XKR9: variants seen among roughly 807,000 people sequenced by gnomAD.
XKR9 encodes the protein XK related 9, also known as XK-related protein 9.
Under a neutral mutation model 32.0 loss-of-function variants are expected in XKR9, and 32 were observed. That is an observed-to-expected ratio of 1.00 (90% CI 0.76 to 1.34). The LOEUF (loss-of-function observed/expected upper bound fraction) is 1.34. Among genes scored for constraint, XKR9 ranks in the 40% most tolerant of loss-of-function variants. The probability of loss-of-function intolerance (pLI) is 0.00; values close to 1 mark genes in which losing one functional copy is unlikely to be tolerated. For missense variants in XKR9, 546 were observed against 429.7 expected, an observed-to-expected ratio of 1.27 and a Z score of -2.39; for synonymous variants, 168 against 143.4, an observed-to-expected ratio of 1.17 and a Z score of -1.22.
the XKR9 span, among the ~76,000 whole-genome samples, chr8:70,986,215 C>T: frequency 6.6e-6 from 1 of 152,184 alleles, no homozygotes; most frequent in Non-Finnish European, 1.5e-5. Flanking sequence ...CTCATTTAAA[C>T]TTCGGCAAGC....
chr8:70,739,644 C>T (rs1203694859), downstream of XKR9, among the ~76,000 whole-genome samples: 1 of 151,996 alleles, frequency 6.6e-6, no homozygotes, highest in Non-Finnish European at 1.5e-5. Context: ...CCTTCAGGAG[C>T]TCTTTTAGGG....
chr8:70,980,704 A>G, the XKR9 span, among the ~76,000 whole-genome samples: 50 of 152,234 alleles, frequency 3.3e-4, no homozygotes, highest in Admixed American at 1.6e-3. Flanking sequence ...TTTCTTTTCC[A>G]TTATGTTCTT....
At chr8:70,905,628 C>T in the XKR9 span, among the ~76,000 whole-genome samples, 6 of 152,282 alleles carry the variant, frequency 3.9e-5, no homozygotes, top group East Asian at 1.9e-4. Context: ...TCTCTCAACT[C>T]GTCAAAGTCA....
At chr8:71,036,993 C>T in the XKR9 span, among the ~76,000 whole-genome samples, 4 of 151,646 alleles carry the variant, frequency 2.6e-5, no homozygotes, top group Non-Finnish European at 5.9e-5. Context: ...GGATTCTAGG[C>T]ATGAGCCACC....
chr8:70,976,090 T>C, the XKR9 span, among the ~76,000 whole-genome samples: 1 of 152,236 alleles, frequency 6.6e-6, no homozygotes, highest in Non-Finnish European at 1.5e-5. Flanking sequence ...GCACATTGAT[T>C]TTGTATCCTG....
intron 4 of XKR9, among the ~76,000 whole-genome samples, chr8:70,722,110 G>A (rs954046718): frequency 4.6e-5 from 7 of 151,950 alleles, no homozygotes; most frequent in South Asian, 2.1e-4. Context: ...TCAGAGACTA[G>A]CATTGCAACC....
the XKR9 span, among the ~76,000 whole-genome samples, chr8:71,062,459 G>T: frequency 6.6e-6 from 1 of 152,070 alleles, no homozygotes; most frequent in Non-Finnish European, 1.5e-5. Context: ...CCACCCTCAT[G>T]ACATAATCAC....
At chr8:70,982,752 A>G in the XKR9 span, among the ~76,000 whole-genome samples, 5 of 152,084 alleles carry the variant, frequency 3.3e-5, no homozygotes, top group African/African-American at 1.2e-4. Flanking sequence ...TTAGAGCAAA[A>G]TTTCAGGATG....
the XKR9 span, among the ~76,000 whole-genome samples, chr8:70,818,554 A>G: frequency 6.6e-6 from 1 of 152,174 alleles, no homozygotes; most frequent in African/African-American, 2.4e-5. Context: ...TAAATGAATG[A>G]GTAAATGAAT....
At chr8:70,980,008 G>A in the XKR9 span, among the ~76,000 whole-genome samples, 158 of 152,354 alleles carry the variant, frequency 1.0e-3, no homozygotes, top group African/African-American at 3.7e-3. Flanking sequence ...CTCGCAGTTC[G>A]ATCTGAGACT....
intron 4 of XKR9, among the ~76,000 whole-genome samples, chr8:70,717,173 G>A (rs1480539753): frequency 2.0e-5 from 3 of 152,184 alleles, no homozygotes; most frequent in South Asian, 4.1e-4. Flanking sequence ...TTGAGTGTCT[G>A]TGGTTTTCCC....
the XKR9 span, among the ~76,000 whole-genome samples, chr8:71,061,182 C>G: frequency 6.6e-6 from 1 of 152,146 alleles, no homozygotes; most frequent in South Asian, 2.1e-4. Context: ...AGTTGCAGAG[C>G]TGTGGATTCA....
At chr8:70,916,726 G>A in the XKR9 span, among the ~76,000 whole-genome samples, 1 of 152,014 alleles carries the variant, frequency 6.6e-6, no homozygotes, top group East Asian at 1.9e-4. Context: ...TAATCTATAG[G>A]TAAATTTGTA....
At chr8:70,813,005 A>G in the XKR9 span, among the ~76,000 whole-genome samples, 1 of 152,174 alleles carries the variant, frequency 6.6e-6, no homozygotes, top group East Asian at 1.9e-4. Context: ...AGCCAAAAGA[A>G]CAAAGCTGGA....
chr8:71,006,169 A>G, the XKR9 span, among the ~76,000 whole-genome samples: 1 of 152,258 alleles, frequency 6.6e-6, no homozygotes, highest in Non-Finnish European at 1.5e-5. Context: ...AATGCAAACC[A>G]GAGAGAGTGG....
At chr8:70,715,315 T>C in intron 4 of XKR9, among the ~76,000 whole-genome samples, 1 of 152,084 alleles carries the variant, frequency 6.6e-6, no homozygotes, top group South Asian at 2.1e-4. Flanking sequence ...GGGGAATATG[T>C]GAGAGAAAGT....
the XKR9 span, among the ~76,000 whole-genome samples, chr8:70,851,464 C>T: frequency 1.2e-3 from 181 of 152,134 alleles, no homozygotes; most frequent in African/African-American, 4.2e-3. Context: ...AAAAAGACCC[C>T]GTATAGCCAA....
At chr8:70,787,107 G>A (rs993179797) in intron 2 of XKR9, among the ~76,000 whole-genome samples, 1 of 152,070 alleles carries the variant, frequency 6.6e-6, no homozygotes, top group Non-Finnish European at 1.5e-5. Context: ...TTAAGAGAAT[G>A]GAAGAGAGAA....
chr8:70,971,935 C>T, the XKR9 span, among the ~76,000 whole-genome samples: 1 of 152,154 alleles, frequency 6.6e-6, no homozygotes, highest in Non-Finnish European at 1.5e-5. Context: ...ATTGCTTTGG[C>T]TATATGGGCC....
Sources: allele counts gnomAD v4.1 joint callset (sites outside exome capture counted in the v4.1 genomes callset), GRCh38; gene constraint gnomAD v4.1.1; transcripts MANE v1.5; gene names NCBI Gene and HGNC (gene_info 2026-07-23, HGNC 2026-07-21).